CCDC91: variants seen among roughly 807,000 people sequenced by gnomAD.
CCDC91 encodes coiled-coil domain-containing protein 91.
In CCDC91, 48 loss-of-function variants were observed where a neutral mutation model predicts 63.2. That is an observed-to-expected ratio of 0.76 (90% confidence interval 0.60 to 0.97). The LOEUF (loss-of-function observed/expected upper bound fraction) is 0.97, where lower values mean the gene tolerates loss of function less well. Ranked by LOEUF, CCDC91 falls within the 50% of genes least tolerant of loss-of-function variation. The pLI is 0.00. For missense variants in CCDC91, 500 were observed against 494.6 expected (o/e 1.01, Z -0.10); for synonymous variants, 167 against 165.8 (o/e 1.01, Z -0.06).
chr12:28,485,032 A>G (rs1771480206), intron 12 of CCDC91, among the ~76,000 whole-genome samples: 1 of 152,000 alleles, frequency 6.6e-6, no homozygotes, highest in South Asian at 2.1e-4. Context: ...ATTTGACACA[A>G]TAGCTAAACT....
intron 11 of CCDC91, among the ~76,000 whole-genome samples, chr12:28,464,329 G>A (rs180833777): frequency 3.1e-4 from 47 of 152,260 alleles, no homozygotes; most frequent in African/African-American, 9.1e-4. Context: ...GTGGAATGGC[G>A]GTGCATGCAA....
In CCDC91 at chr12:28,391,400, C is replaced by CT; in HGVS notation, c.752dup (p.Asn252LysfsTer9). On this transcript the variant is annotated frameshift_variant, in exon 8 of 13. Transcript: ENST00000536442. LOFTEE classifies it high-confidence loss of function. ...ACAGGCACACAAGTGTGAGGAGTTG[C>CT]TAAATGCTCAGGTAATAAAAGTGCA... 2 of 1,597,880 alleles carry CT rather than the reference C, an allele frequency of 1.3e-6. No homozygotes were observed. The highest frequency in any genetic ancestry group is 1.3e-5 in the African/African-American group (1 of 74,738).
chr12:28,338,444 G>C (rs537293719), intron 6 of CCDC91, among the ~76,000 whole-genome samples: 1 of 152,146 alleles, frequency 6.6e-6, no homozygotes, highest in South Asian at 2.1e-4. Flanking sequence ...TGTGTGGGTA[G>C]AGAAAACAGT....
chr12:28,302,772 A>C (rs1303684778), intron 3 of CCDC91: 1 of 272,170 alleles, frequency 3.7e-6, no homozygotes, highest in Admixed American at 6.5e-5. Flanking sequence ...CAAGCTTGGT[A>C]TACCTGTTGG....
intron 1 of CCDC91, among the ~76,000 whole-genome samples, chr12:28,197,973 T>TA (rs544343847): frequency 6.6e-6 from 1 of 152,146 alleles, no homozygotes; most frequent in African/African-American, 2.4e-5. Context: ...TAAATGGAGA[T>TA]AAAAAATAAT....
intron 8 of CCDC91, among the ~76,000 whole-genome samples, chr12:28,393,413 G>A (rs1946076461): frequency 6.7e-6 from 1 of 149,748 alleles, no homozygotes; most frequent in Admixed American, 6.7e-5. Context: ...CCTTTGTAAA[G>A]TTAGAGAACC....
intron 1 of CCDC91, among the ~76,000 whole-genome samples, chr12:28,250,853 A>C (rs1387764652): frequency 1.3e-5 from 2 of 151,854 alleles, no homozygotes; most frequent in Non-Finnish European, 2.9e-5. Flanking sequence ...AGACAGTTAC[A>C]TTTTCTTGAC....
intron 8 of CCDC91, among the ~76,000 whole-genome samples, chr12:28,405,746 G>A (rs2139601214): frequency 6.6e-6 from 1 of 152,266 alleles, no homozygotes; most frequent in African/African-American, 2.4e-5. Context: ...GGCTGGAAAA[G>A]TGACTTCTTT....
chr12:28,262,913 CCTTT>C (rs1946918238), intron 3 of CCDC91, among the ~76,000 whole-genome samples: 1 of 152,004 alleles, frequency 6.6e-6, no homozygotes, highest in Non-Finnish European at 1.5e-5. Context: ...AGAAGAACTG[CCTTT>C]CTTTAAGCAT....
chr12:28,247,252 C>T (rs1359635143), intron 1 of CCDC91, among the ~76,000 whole-genome samples: 7 of 151,806 alleles, frequency 4.6e-5, no homozygotes, highest in African/African-American at 9.7e-5. Flanking sequence ...AGGCCGAGGC[C>T]GGTGGATCAT....
At chr12:28,262,389 G>A (rs1314841947) in intron 3 of CCDC91, among the ~76,000 whole-genome samples, 1 of 151,996 alleles carries the variant, frequency 6.6e-6, no homozygotes, top group African/African-American at 2.4e-5. Context: ...CATTCTTGGG[G>A]TTAGGATAAA....
chr12:28,256,210 T>C (rs1242185269), intron 1 of CCDC91: 4 of 152,150 alleles, frequency 2.6e-5, no homozygotes, highest in African/African-American at 4.8e-5. Flanking sequence ...ACAGATTATT[T>C]TGTCATATGG....
At chr12:28,312,377 T>C (rs1186585608) in intron 6 of CCDC91, among the ~76,000 whole-genome samples, 3 of 152,014 alleles carry the variant, frequency 2.0e-5, no homozygotes, top group Non-Finnish European at 4.4e-5. Context: ...ATTCTGAAAG[T>C]GTATTTTCAA....
intron 8 of CCDC91, among the ~76,000 whole-genome samples, chr12:28,420,040 A>G (rs1947909947): frequency 6.6e-6 from 1 of 152,120 alleles, no homozygotes; most frequent in Admixed American, 6.6e-5. Flanking sequence ...TAAAGGTGTG[A>G]GTCACCATGT....
intron 3 of CCDC91, among the ~76,000 whole-genome samples, chr12:28,269,148 T>C (rs974329849): frequency 6.6e-6 from 1 of 152,140 alleles, no homozygotes; most frequent in Admixed American, 6.6e-5. Flanking sequence ...AATGAACTTA[T>C]ACTTTGTATT....
intron 11 of CCDC91, among the ~76,000 whole-genome samples, chr12:28,479,431 A>C (rs1021930588): frequency 6.6e-6 from 1 of 151,966 alleles, no homozygotes; most frequent in East Asian, 1.9e-4. Flanking sequence ...ATTTGGACAC[A>C]TGATGGGGAT....
chr12:28,259,352 T>C lies in CCDC91; in HGVS notation c.31-12T>C. 6.2e-7 allele frequency: 1 copy of C among 1,604,380 alleles called. No homozygotes were observed. On this transcript the variant is annotated splice_polypyrimidine_tract_variant and intron_variant, in intron 2 of 12. Transcript: ENST00000536442. ...TCACATCTTCTAAAATAATCTTGCCTTTGTCTTGTAGGCTGCGGAGACTTT... is the reference window on the plus strand; with the variant it reads ...TCACATCTTCTAAAATAATCTTGCCCTTGTCTTGTAGGCTGCGGAGACTTT...
intron 6 of CCDC91, among the ~76,000 whole-genome samples, chr12:28,308,313 C>T (rs556694348): frequency 4.6e-5 from 7 of 152,078 alleles, no homozygotes; most frequent in East Asian, 1.9e-4. Flanking sequence ...TCATGGTCAG[C>T]GCTATTAACA....
At chr12:28,296,683 C>A (rs1032190316) in intron 3 of CCDC91, among the ~76,000 whole-genome samples, 1 of 151,736 alleles carries the variant, frequency 6.6e-6, no homozygotes, top group African/African-American at 2.4e-5. Flanking sequence ...CTGTGAGTAA[C>A]CCTCCTTGGA....
Sources: gnomAD v4.1 joint callset for allele counts (sites outside exome capture counted in the v4.1 genomes callset) on GRCh38, gnomAD v4.1.1 for gene constraint, MANE v1.5 for transcripts, NCBI Gene and HGNC (gene_info 2026-07-23, HGNC 2026-07-21) for gene names.